DYNC2LI1: variants seen among roughly 807,000 people sequenced by gnomAD.
The protein encoded by DYNC2LI1 is cytoplasmic dynein 2 light intermediate chain 1.
In DYNC2LI1, 45 loss-of-function variants were observed where a neutral mutation model predicts 51.9. That is an observed-to-expected ratio of 0.87 (90% confidence interval 0.68 to 1.11). DYNC2LI1 has a LOEUF of 1.11. DYNC2LI1 is among the 50% of genes most tolerant of loss of function. The pLI is 0.00. For synonymous variants in DYNC2LI1, 130 were observed against 137.8 expected (o/e 0.94, Z 0.40); for missense variants, 490 against 417.4 (o/e 1.17, Z -1.51).
the DYNC2LI1 span, among the ~76,000 whole-genome samples, chr2:43,822,206 C>T: frequency 1.3e-5 from 2 of 152,152 alleles, no homozygotes; most frequent in African/African-American, 4.8e-5. Flanking sequence ...TGACTTGCAC[C>T]CCCATGACTC....
chr2:43,814,833 T>A (rs1411620810), downstream of DYNC2LI1, among the ~76,000 whole-genome samples: 1 of 152,230 alleles, frequency 6.6e-6, no homozygotes, highest in Non-Finnish European at 1.5e-5. Flanking sequence ...TTAAAAGTTT[T>A]ATATAAATGG....
intron 2 of DYNC2LI1, among the ~76,000 whole-genome samples, chr2:43,778,914 G>C (rs1484953676): frequency 1.3e-5 from 2 of 151,946 alleles, no homozygotes; most frequent in Non-Finnish European, 2.9e-5. Flanking sequence ...CTGATGATTT[G>C]GGAACTCCCT....
intron 2 of DYNC2LI1, among the ~76,000 whole-genome samples, chr2:43,782,577 A>G (rs932376452): frequency 1.4e-5 from 2 of 146,356 alleles, no homozygotes; most frequent in South Asian, 4.4e-4. Flanking sequence ...GGATTTTACT[A>G]TTTTTTAAAA....
At chr2:43,795,094 C>G (rs903330566) in intron 6 of DYNC2LI1, 2 of 1,003,324 alleles carry the variant, frequency 2.0e-6, no homozygotes, top group African/African-American at 3.5e-5. Flanking sequence ...ATCTTTTTAT[C>G]ATCTGACAGC....
chr2:43,793,748 C>T (rs1673902580), intron 5 of DYNC2LI1: 1 of 151,952 alleles, frequency 6.6e-6, no homozygotes, highest in Non-Finnish European at 1.5e-5. Flanking sequence ...GCCTCTTTGC[C>T]CATTTTTGAA....
At chr2:43,781,194 C>T (rs958718755) in intron 2 of DYNC2LI1, among the ~76,000 whole-genome samples, 1 of 151,888 alleles carries the variant, frequency 6.6e-6, no homozygotes, top group African/African-American at 2.4e-5. Context: ...TAGTGAAACC[C>T]CATCTCAACT....
the DYNC2LI1 span, chr2:43,824,821 C>G: frequency 6.3e-7 from 1 of 1,592,330 alleles, no homozygotes; most frequent in East Asian, 2.2e-5. Flanking sequence ...TGGTGTCATC[C>G]AGGCAGAAGT....
intron 12 of DYNC2LI1, among the ~76,000 whole-genome samples, chr2:43,809,103 C>T (rs544683143): frequency 8.6e-5 from 13 of 151,818 alleles, no homozygotes; most frequent in African/African-American, 2.9e-4. Context: ...ATCCTCCCAC[C>T]TCAGACTCCC....
chr2:43,822,479 C>CCT, the DYNC2LI1 span: 3 of 668,686 alleles, frequency 4.5e-6, 1 homozygote, highest in Non-Finnish European at 5.4e-6. Flanking sequence ...CTCCCCCAGG[C>CCT]CCCCCCCCAT....
intron 5 of DYNC2LI1, 77 bp from the exon 6 acceptor site, chr2:43,794,380 G>A: frequency 7.2e-7 from 1 of 1,391,384 alleles, no homozygotes; most frequent in Non-Finnish European, 9.6e-7. Flanking sequence ...GTTATTCTTA[G>A]ATAAATTTCA....
chr2:43,783,453 C>A (rs1171005585), intron 2 of DYNC2LI1, 67 bp from the exon 3 acceptor site: 1 of 1,215,036 alleles, frequency 8.2e-7, no homozygotes, highest in East Asian at 2.6e-5. Flanking sequence ...GCCACAATTA[C>A]GAACAATAAT....
intron 6 of DYNC2LI1, chr2:43,795,061 T>A (rs893389226): frequency 1.9e-6 from 2 of 1,028,812 alleles, no homozygotes; most frequent in Non-Finnish European, 2.3e-6. Context: ...TTACATTCAT[T>A]TCGTTTCTGT....
the DYNC2LI1 span, among the ~76,000 whole-genome samples, chr2:43,817,185 C>G: frequency 3.9e-5 from 6 of 152,186 alleles, no homozygotes; most frequent in African/African-American, 1.4e-4. Flanking sequence ...AACTGCCTAC[C>G]TTTTAAGAGC....
At chr2:43,823,152 G>T in the DYNC2LI1 span, among the ~76,000 whole-genome samples, 5 of 152,288 alleles carry the variant, frequency 3.3e-5, no homozygotes, top group South Asian at 1.0e-3. Flanking sequence ...AATTGCAAAA[G>T]ATGTCATTTA....
chr2:43,808,295 C>T (rs1342556383), intron 12 of DYNC2LI1, among the ~76,000 whole-genome samples: 3 of 150,492 alleles, frequency 2.0e-5, no homozygotes, highest in African/African-American at 7.3e-5. Context: ...AAAAATTCTT[C>T]CTAAGTCTAT....
the DYNC2LI1 span, chr2:43,823,939 G>A: frequency 5.0e-6 from 8 of 1,614,106 alleles, no homozygotes; most frequent in Admixed American, 5.0e-5. Context: ...CAGCATGCCT[G>A]TGTACGGGGT....
At chr2:43,802,485 A>C (rs1446069078) in intron 10 of DYNC2LI1, among the ~76,000 whole-genome samples, 1 of 152,040 alleles carries the variant, frequency 6.6e-6, no homozygotes. Flanking sequence ...ATTGGAATGA[A>C]AGGAATGGAG....
chr2:43,814,872 T>TTA (rs1666716775), downstream of DYNC2LI1, among the ~76,000 whole-genome samples: 1 of 152,206 alleles, frequency 6.6e-6, no homozygotes, highest in African/African-American at 2.4e-5. Context: ...CTTTCCTAAC[T>TTA]TACTCTTTTT....
rs528407546 is a variant in DYNC2LI1 at position 43,805,349 on chromosome 2, A to G, written c.993+103A>G. 4.9e-5 allele frequency: 31 copies of G among 628,112 alleles called. 1 individual carries two copies. In the East Asian group the frequency reaches 8.7e-4, roughly 18 times the overall value. 38.9% of individuals were successfully genotyped at this position (628,112 alleles called of 1,614,324 possible). A position where few individuals can be genotyped will look rare whatever the true frequency, so the allele number is the denominator to read the frequency against. ...TTTTCTCTATGTATTTACTTAGAGT[A>G]TCTTCTTTACTATTAAAATTATTTA... On this transcript the variant is annotated intron_variant, in intron 12 of 12. Transcript: ENST00000260605.
Sources: gnomAD v4.1 joint callset for allele counts (sites outside exome capture counted in the v4.1 genomes callset) on GRCh38, gnomAD v4.1.1 for gene constraint, MANE v1.5 for transcripts, NCBI Gene and HGNC (gene_info 2026-07-23, HGNC 2026-07-21) for gene names.